The following KMT2C variants were observed in gnomAD, a reference collection of about 807,000 sequenced individuals.
KMT2C encodes histone-lysine N-methyltransferase 2C.
Under a neutral mutation model 507.9 loss-of-function variants are expected in KMT2C, and 88 were observed. The observed-to-expected ratio is 0.17, with a 90% CI of 0.15 to 0.21. The LOEUF is 0.21. KMT2C is among the 10% of genes least tolerant of loss of function. The pLI, the probability that KMT2C is intolerant of heterozygous loss-of-function variation, is 1.00. For synonymous variants in KMT2C, 2,049 were observed against 2,080.8 expected (o/e 0.98, Z 0.42); for missense variants, 4,954 against 5,957.8 (o/e 0.83, Z 5.55).
rs374566471 is a variant in KMT2C, at chr7:152,139,160, C to T, written c.14534+26G>A. On this transcript the variant is annotated intron_variant, in intron 57 of 58. Coordinates refer to ENST00000262189, the MANE Select transcript of KMT2C (RefSeq NM_170606.3). ...CACTGGCCCCACAAGCAAAAGCACT[C>T]CCCGTCAGGTTCCTCGCTGTCTCAC... 143 of 1,610,942 alleles carry T rather than the reference C, an allele frequency of 8.9e-5. No homozygotes were observed. In the African/African-American group the frequency reaches 1.5e-3, roughly 17 times the overall value.
At chr7:152,312,376 C>G (rs1382522288) in intron 4 of KMT2C, 1 of 152,506 alleles carries the variant, frequency 6.6e-6, no homozygotes, top group African/African-American at 2.4e-5. Context: ...ACTGCCACAA[C>G]AGAGGTGGCA....
intron 1 of KMT2C, among the ~76,000 whole-genome samples, chr7:152,380,430 T>C (rs1233640369): frequency 6.6e-6 from 1 of 152,174 alleles, no homozygotes; most frequent in African/African-American, 2.4e-5. Context: ...TAGCTGAGCA[T>C]GGGGGCATGC....
chr7:152,425,148 T>C (rs1004394022), intron 1 of KMT2C, among the ~76,000 whole-genome samples: 3 of 152,220 alleles, frequency 2.0e-5, no homozygotes, highest in African/African-American at 7.2e-5. Flanking sequence ...CCTTAATATA[T>C]GACTTCTAGT....
At chr7:152,268,651 G>T (rs2095902738) in intron 7 of KMT2C, among the ~76,000 whole-genome samples, 1 of 152,138 alleles carries the variant, frequency 6.6e-6, no homozygotes. Context: ...TCTTAAGACA[G>T]TACCAGTATT....
chr7:152,282,886 AAATT>A (rs1324898178), intron 6 of KMT2C, among the ~76,000 whole-genome samples: 6 of 152,128 alleles, frequency 3.9e-5, no homozygotes, highest in African/African-American at 9.7e-5. Context: ...TTTTTCTAGA[AAATT>A]AAGAGAATTT....
rs530442468 is a variant in KMT2C, at chr7:152,135,439, A to G, written c.*1393T>C. On this transcript the variant is annotated 3_prime_UTR_variant, in exon 59 of 59. Coordinates refer to ENST00000262189, the MANE Select transcript of KMT2C (RefSeq NM_170606.3). ...AAATGTAAACAAACAGTTCATACAAACACATTTTAAAATTACATCTTCCAA... is the reference window on the plus strand; with the variant it reads ...AAATGTAAACAAACAGTTCATACAAGCACATTTTAAAATTACATCTTCCAA... 4.6e-6 allele frequency: 1 copy of G among 219,260 alleles called. No homozygotes were observed. Among genetic ancestry groups the G allele is most frequent in the South Asian group, 1.8e-4 (1 of 5,408 alleles). The allele number at this position is 219,260 out of a possible 1,614,324, so 13.6% of individuals were successfully genotyped here.
chr7:152,367,770 T>C, intron 1 of KMT2C: 1 of 1,009,356 alleles, frequency 9.9e-7, no homozygotes, highest in Non-Finnish European at 1.6e-6. Flanking sequence ...ATCTGAGGAC[T>C]ACCTAAATGC....
chr7:152,172,862 C>T (rs1017081884), intron 39 of KMT2C, among the ~76,000 whole-genome samples: 1 of 152,114 alleles, frequency 6.6e-6, no homozygotes, highest in South Asian at 2.1e-4. Context: ...TTCATCATTA[C>T]TTTCAAATTA....
intron 4 of KMT2C, among the ~76,000 whole-genome samples, chr7:152,313,767 CTTAT>C (rs1247843315): frequency 6.6e-6 from 1 of 152,038 alleles, no homozygotes; most frequent in Non-Finnish European, 1.5e-5. Flanking sequence ...ATTATCATTA[CTTAT>C]TAAGTTGGTA....
chr7:152,309,870 A>T, intron 6 of KMT2C, 96 bp downstream of exon 6: 2 of 780,364 alleles, frequency 2.6e-6, no homozygotes, highest in Non-Finnish European at 4.2e-6. Flanking sequence ...GAGAGCTTTT[A>T]CACTACAGCA....
intron 2 of KMT2C, among the ~76,000 whole-genome samples, chr7:152,333,358 C>T (rs1258670718): frequency 1.3e-5 from 2 of 152,148 alleles, no homozygotes; most frequent in African/African-American, 4.8e-5. Flanking sequence ...AACTCCTGGC[C>T]TCAAATCATC....
At chr7:152,236,346 T>C (rs1233703063) in intron 15 of KMT2C, among the ~76,000 whole-genome samples, 2 of 152,258 alleles carry the variant, frequency 1.3e-5, no homozygotes, top group East Asian at 3.8e-4. Context: ...ATAGCTAACA[T>C]CTATTGAGTA....
At chr7:152,362,715 T>C (rs1412076043) in intron 1 of KMT2C, among the ~76,000 whole-genome samples, 1 of 152,240 alleles carries the variant, frequency 6.6e-6, no homozygotes, top group Non-Finnish European at 1.5e-5. Flanking sequence ...TATGCTGTTG[T>C]TTGTTTTGGC....
intron 6 of KMT2C, among the ~76,000 whole-genome samples, chr7:152,299,743 A>C (rs1319847979): frequency 6.6e-6 from 1 of 151,800 alleles, no homozygotes; most frequent in East Asian, 2.0e-4. Flanking sequence ...TACATGGTCT[A>C]AATACCCCCA....
intron 56 of KMT2C, 32 bp downstream of exon 56, chr7:152,139,643 T>G: frequency 7.3e-7 from 1 of 1,373,474 alleles, no homozygotes; most frequent in South Asian, 1.2e-5. Flanking sequence ...ATGATGGTGC[T>G]GTGTATACAA....
intron 6 of KMT2C, among the ~76,000 whole-genome samples, chr7:152,277,111 A>G (rs562671114): frequency 3.9e-5 from 6 of 152,226 alleles, no homozygotes; most frequent in Non-Finnish European, 7.4e-5. Flanking sequence ...ATAAAAAAAT[A>G]CCAAGAAGTT....
chr7:152,251,882 C>T, intron 11 of KMT2C, 57 bp downstream of exon 11: 1 of 1,318,498 alleles, frequency 7.6e-7, no homozygotes, highest in Non-Finnish European at 1.0e-6. Flanking sequence ...ATTGGTGATA[C>T]AATGGCACAA....
intron 6 of KMT2C, among the ~76,000 whole-genome samples, chr7:152,284,915 G>C (rs1588901639): frequency 3.3e-5 from 5 of 152,218 alleles, no homozygotes; most frequent in Non-Finnish European, 7.3e-5. Flanking sequence ...GCAATATCCA[G>C]TGCTGGCAAC....
At position 152,135,604 on chromosome 7, in the gene KMT2C, T is replaced by C. The variant is rs997833650; in HGVS notation, c.*1228A>G. On this transcript the variant is annotated 3_prime_UTR_variant, in exon 59 of 59. Transcript: ENST00000262189. The stretch of plus-strand genomic sequence containing the variant: ...GCTACATGATCCTATTACGTTTACA[T>C]GATTCTCTGTGGCTGAAACAAAGTT... The C allele has an allele frequency of 1.6e-4, 36 of 226,482 alleles. No individual in the cohort carries two copies. Among genetic ancestry groups the C allele is most frequent in the African/African-American group, 7.1e-4 (32 of 44,930 alleles). The allele number at this position is 226,482 out of a possible 1,614,324, so 14.0% of individuals were successfully genotyped here. A position where few individuals can be genotyped will look rare whatever the true frequency, so the allele number is the denominator to read the frequency against.
Sources: allele counts gnomAD v4.1 joint callset (sites outside exome capture counted in the v4.1 genomes callset), GRCh38; gene constraint gnomAD v4.1.1; transcripts MANE v1.5; gene names NCBI Gene and HGNC (gene_info 2026-07-23, HGNC 2026-07-21).